The following LRIG1 variants were observed in gnomAD, a reference collection of about 807,000 sequenced individuals.
The protein encoded by LRIG1 is leucine rich repeats and immunoglobulin like domains 1.
LRIG1 carries 48 observed loss-of-function variants against 99.2 expected under a neutral mutation model. The ratio of observed to expected loss-of-function variants is 0.48; its 90% CI spans 0.38 to 0.62. The LOEUF (loss-of-function observed/expected upper bound fraction) is 0.62. LRIG1 is among the 20% of genes least tolerant of loss of function. LRIG1 has a pLI of 0.00. For synonymous variants in LRIG1, 772 were observed against 596.1 expected, an observed-to-expected ratio of 1.29 and a Z score of -4.30; for missense variants, 1,646 against 1,434.4, an observed-to-expected ratio of 1.15 and a Z score of -2.38.
chr3:66,462,202 T>C (rs1242558074), intron 2 of LRIG1, among the ~76,000 whole-genome samples: 1 of 152,154 alleles, frequency 6.6e-6, no homozygotes. Flanking sequence ...ACACCCACCA[T>C]GCGCCCAGGA....
chr3:66,460,814 A>G (rs1182328727), intron 2 of LRIG1, among the ~76,000 whole-genome samples: 1 of 152,244 alleles, frequency 6.6e-6, no homozygotes, highest in East Asian at 1.9e-4. Flanking sequence ...TGAGAGTCCT[A>G]GAGAAACCAT....
Position 66,397,737 on chromosome 3 carries a change from A to C in LRIG1, c.1304+375T>G, listed in dbSNP as rs182252106. Among the ~76,000 whole-genome samples, 199 of 152,322 alleles carry C rather than the reference A, an allele frequency of 1.3e-3. 1 individual carries two copies. Among genetic ancestry groups the C allele is most frequent in the African/African-American group, 4.5e-3 (187 of 41,578 alleles). On this transcript the variant is annotated intron_variant, in intron 11 of 18. Coordinates refer to ENST00000273261, the MANE Select transcript of LRIG1 (RefSeq NM_015541.3). Reference sequence around the variant, plus strand: ...GTAGACCCTCTCAACACAGGCCTTTATCGTAAGCAAGCCCAAAAGATGAAA... The same window carrying C: ...GTAGACCCTCTCAACACAGGCCTTTCTCGTAAGCAAGCCCAAAAGATGAAA...
chr3:66,391,582 C>T (rs533721903), intron 12 of LRIG1, among the ~76,000 whole-genome samples: 3 of 152,212 alleles, frequency 2.0e-5, no homozygotes, highest in African/African-American at 7.2e-5. Flanking sequence ...ATGATGGAGA[C>T]ACAATGAGAT....
At chr3:66,467,375 T>G (rs1422471324) in intron 1 of LRIG1, among the ~76,000 whole-genome samples, 3 of 151,012 alleles carry the variant, frequency 2.0e-5, no homozygotes, top group Admixed American at 2.0e-4. Flanking sequence ...TTTTTTTTTT[T>G]TTTGAGATGG....
intron 1 of LRIG1, among the ~76,000 whole-genome samples, chr3:66,491,443 A>T (rs1701099606): frequency 1.3e-5 from 2 of 152,204 alleles, no homozygotes; most frequent in Admixed American, 6.5e-5. Flanking sequence ...AGCACAAAAG[A>T]GCTTGCTAAA....
At chr3:66,392,939 T>C (rs1042867671) in intron 12 of LRIG1, among the ~76,000 whole-genome samples, 2 of 152,192 alleles carry the variant, frequency 1.3e-5, no homozygotes, top group Non-Finnish European at 2.9e-5. Context: ...CAGATCGGTA[T>C]GAAAAGTCAG....
intron 3 of LRIG1, among the ~76,000 whole-genome samples, chr3:66,419,173 AAG>A (rs548995039): frequency 1.1e-3 from 175 of 152,304 alleles, no homozygotes; most frequent in Non-Finnish European, 2.0e-3. Flanking sequence ...GAAAGGCACA[AAG>A]AGGGGGTGAG....
chr3:66,384,899 T>C (rs925971813), intron 13 of LRIG1, among the ~76,000 whole-genome samples: 2 of 152,086 alleles, frequency 1.3e-5, no homozygotes, highest in African/African-American at 4.8e-5. Flanking sequence ...CAACGTCAAT[T>C]TTGGGGAGAG....
chr3:66,399,204 G>A (rs1345093498), intron 9 of LRIG1, among the ~76,000 whole-genome samples, 163 bp from the exon 10 acceptor site: 1 of 152,214 alleles, frequency 6.6e-6, no homozygotes, highest in South Asian at 2.1e-4. Context: ...CTGAGATTAC[G>A]GGTTTGAGGC....
At chr3:66,433,489 G>A (rs1353441113) in intron 3 of LRIG1, among the ~76,000 whole-genome samples, 2 of 152,228 alleles carry the variant, frequency 1.3e-5, no homozygotes, top group Non-Finnish European at 2.9e-5. Context: ...CCAGGCAAAG[G>A]AGGAAGCTGT....
In LRIG1 at chr3:66,403,179, G is replaced by A. The variant is rs995950828; in HGVS notation, c.1160+2019C>T. ...TCATCTCTACCTCTAGCCACTGCCC[G>A]TTCTCAAACCCAGCAGGAGTTTATG... On this transcript the variant is annotated intron_variant, in intron 9 of 18. Transcript: ENST00000273261. Among the ~76,000 whole-genome samples, 6 of 152,102 alleles carry A rather than the reference G, an allele frequency of 3.9e-5. No homozygotes were observed. The South Asian group carries it at 6.2e-4, about 16-fold the overall frequency.
Position 66,380,184 on chromosome 3 carries a change from G to A in LRIG1, c.*79C>T, listed in dbSNP as rs929973027. ...AACTATGTACAGATGAGTGACGCTTGAACCCAAGCTTCCTCGCAGCCTCTC... is the reference window on the plus strand; with the variant it reads ...AACTATGTACAGATGAGTGACGCTTAAACCCAAGCTTCCTCGCAGCCTCTC... On this transcript the variant is annotated 3_prime_UTR_variant, in exon 19 of 19. Coordinates refer to ENST00000273261, the MANE Select transcript of LRIG1 (RefSeq NM_015541.3). The A allele has an allele frequency of 8.2e-7, 1 of 1,213,448 alleles. No individual in the cohort carries two copies. The highest frequency in any genetic ancestry group is 1.2e-6 in the Non-Finnish European group (1 of 862,192). 75.2% of individuals were successfully genotyped at this position (1,213,448 alleles called of 1,614,324 possible).
Position 66,500,575 on chromosome 3 carries a change from C to T in LRIG1, c.-168G>A, listed in dbSNP as rs1701336352. On this transcript the variant is annotated 5_prime_UTR_variant, in exon 1 of 19. Coordinates refer to ENST00000273261, the MANE Select transcript of LRIG1 (RefSeq NM_015541.3). ...GCCGCGGCTCCGGCACTCAGCGTGC[C>T]CCCGGTGCCCGGGCCGCTCCGGAGC... 1 of 383,224 alleles carries T rather than the reference C, an allele frequency of 2.6e-6. No homozygotes were observed. The highest frequency in any genetic ancestry group is 4.5e-6 in the Non-Finnish European group (1 of 221,054). 23.7% of individuals were successfully genotyped at this position (383,224 alleles called of 1,614,324 possible). A position where few individuals can be genotyped will look rare whatever the true frequency, so the allele number is the denominator to read the frequency against.
At position 66,451,141 on chromosome 3, in the gene LRIG1, T is replaced by G. The variant is rs748990286; in HGVS notation, c.365+418A>C. Among the ~76,000 whole-genome samples the G allele has an allele frequency of 3.9e-5, 6 of 152,168 alleles. No individual in the cohort carries two copies. The South Asian group carries it at 1.0e-3, about 26-fold the overall frequency. On this transcript the variant is annotated intron_variant, in intron 3 of 18. Transcript: ENST00000273261. ...CCAGAGGCCTGGGGGCACTTTCTTT[T>G]TCTTAAAGCCACAAAAGTAAACTGA...
At chr3:66,444,066 G>A (rs778964304) in intron 3 of LRIG1, among the ~76,000 whole-genome samples, 3 of 152,194 alleles carry the variant, frequency 2.0e-5, no homozygotes, top group African/African-American at 4.8e-5. Flanking sequence ...GATCAGATAC[G>A]AGTGACTGAT....
At position 66,383,063 on chromosome 3, in the gene LRIG1, T is replaced by A; in HGVS notation, c.2410A>T (p.Ile804Phe). ...ACCCAGACCAGTGACGTCAGGACGA[T>A]GCTGCTCACGACAGCAATGGTGAAG... ...GIFTIAVVSS[I>F]VLTSLVWVCI... Residue 804 changes from isoleucine (I) to phenylalanine (F), a missense_variant, in exon 15 of 19, where the codon ATC becomes TTC. Transcript: ENST00000273261. The A allele has an allele frequency of 6.2e-7, 1 of 1,614,242 alleles. No homozygotes were observed. The highest frequency in any genetic ancestry group is 8.5e-7 in the Non-Finnish European group (1 of 1,180,036).
rs747807658 is a variant in LRIG1, at chr3:66,384,099, C to T, written c.1963G>A (p.Asp655Asn). 6.2e-6 allele frequency: 10 copies of T among 1,614,156 alleles called. No homozygotes were observed. Among genetic ancestry groups the T allele is most frequent in the East Asian group, 2.2e-5 (1 of 44,870 alleles). ...ERRMHVMPDD[D>N]VFFITDVKID... ...TTCACATCAGTGATGAAAAACACGT[C>T]GTCATCCGGCATGACATGCATGCGT... is the stretch of plus-strand genomic sequence containing the variant. Residue 655 changes from aspartate (D) to asparagine (N), a missense_variant, in exon 14 of 19, where the codon GAC becomes AAC. Transcript: ENST00000273261.
rs779577684 is a variant in LRIG1 at position 66,380,498 on chromosome 3, A to G, written c.3056-9T>C. 11 of 1,614,022 alleles carry G rather than the reference A, an allele frequency of 6.8e-6. No individual in the cohort carries two copies. Among genetic ancestry groups the G allele is most frequent in the Admixed American group, 1.7e-5 (1 of 60,016 alleles). On this transcript the variant is annotated splice_polypyrimidine_tract_variant and intron_variant, in intron 18 of 18. Coordinates refer to ENST00000273261, the MANE Select transcript of LRIG1 (RefSeq NM_015541.3). Reference sequence around the variant, plus strand: ...AGTCCAGGAAGAATCCCCTACAAGGAAAGAACGAACCTGTCAGACCCCCAC... The same window carrying G: ...AGTCCAGGAAGAATCCCCTACAAGGGAAGAACGAACCTGTCAGACCCCCAC...
At chr3:66,457,322 C>T (rs1168749465) in intron 2 of LRIG1, among the ~76,000 whole-genome samples, 3 of 151,810 alleles carry the variant, frequency 2.0e-5, no homozygotes, top group Non-Finnish European at 2.9e-5. Flanking sequence ...TCTGTCTCCA[C>T]GACTTTTTAG....
Sources: allele counts gnomAD v4.1 joint callset (sites outside exome capture counted in the v4.1 genomes callset), GRCh38; gene constraint gnomAD v4.1.1; transcripts MANE v1.5; gene names NCBI Gene and HGNC (gene_info 2026-07-23, HGNC 2026-07-21).